Variants in MED13L observed in about 807,000 individuals in gnomAD.
The protein encoded by MED13L is mediator complex subunit 13L, also known as mediator of RNA polymerase II transcription subunit 13-like.
A neutral mutation model predicts 220.9 loss-of-function variants in MED13L; 7 were observed. The ratio of observed to expected loss-of-function variants is 0.03; its 90% CI spans 0.02 to 0.06. MED13L has a LOEUF of 0.06. Among genes scored for constraint, MED13L ranks in the 10% least tolerant of loss-of-function variants. The pLI is 1.00. For synonymous variants in MED13L, 1,011 were observed against 1,015.2 expected (o/e 1.00, Z 0.08); for missense variants, 1,965 against 2,760.5 (o/e 0.71, Z 6.46).
At position 116,135,966 on chromosome 12, in the gene MED13L, C is replaced by T. The variant is rs938675350; in HGVS notation, c.311-24454G>A. Among the ~76,000 whole-genome samples the T allele has an allele frequency of 1.2e-3, 176 of 151,198 alleles. 2 individuals carry two copies. Among genetic ancestry groups the T allele is most frequent in the Non-Finnish European group, 1.0e-3 (71 of 67,832 alleles). On this transcript the variant is annotated intron_variant, in intron 2 of 30. Coordinates refer to ENST00000281928, the MANE Select transcript of MED13L (RefSeq NM_015335.5). ...TTGCCCAGGCTGGAGTGCAGTGGCACGATCTCGGCTCACTGCAACCTCCGC... is the reference window on the plus strand; with the variant it reads ...TTGCCCAGGCTGGAGTGCAGTGGCATGATCTCGGCTCACTGCAACCTCCGC...
intron 2 of MED13L, among the ~76,000 whole-genome samples, chr12:116,147,774 A>G (rs1352949047): frequency 6.6e-6 from 1 of 152,184 alleles, no homozygotes; most frequent in Non-Finnish European, 1.5e-5. Flanking sequence ...TCAAATATAC[A>G]GTGAACATGT....
intron 2 of MED13L, among the ~76,000 whole-genome samples, chr12:116,234,825 T>C (rs78587891): frequency 2.0e-5 from 3 of 146,610 alleles, no homozygotes; most frequent in South Asian, 2.1e-4. Flanking sequence ...ACCTGGCTAA[T>C]TTTTTTTTTT....
At chr12:116,083,543 A>C (rs1447078495) in intron 4 of MED13L, among the ~76,000 whole-genome samples, 6 of 152,166 alleles carry the variant, frequency 3.9e-5, no homozygotes, top group Non-Finnish European at 5.9e-5. Context: ...CTAAGAGTGT[A>C]ATTAAGAATG....
intron 2 of MED13L, among the ~76,000 whole-genome samples, chr12:116,134,817 T>C (rs1407539749): frequency 1.3e-5 from 2 of 152,096 alleles, no homozygotes; most frequent in Non-Finnish European, 2.9e-5. Flanking sequence ...GTAAGGCCTG[T>C]ATTTCTTTCC....
chr12:115,989,178 G>C (rs191362068), intron 17 of MED13L, among the ~76,000 whole-genome samples: 13 of 152,258 alleles, frequency 8.5e-5, no homozygotes, highest in African/African-American at 2.9e-4. Context: ...GCAAGACTGA[G>C]AGTTGTTCAG....
At chr12:116,256,030 G>A (rs903663391) in intron 1 of MED13L, among the ~76,000 whole-genome samples, 1 of 152,068 alleles carries the variant, frequency 6.6e-6, no homozygotes. Flanking sequence ...TGTACTACAC[G>A]CCACAAGGAT....
At position 116,008,849 on chromosome 12, in the gene MED13L, T is replaced by C. The variant is rs201414612; in HGVS notation, c.1564A>G (p.Ser522Gly). The change falls in exon 10 of 31, where the codon AGT becomes GGT. Residue 522 changes from serine (S) to glycine (G), a missense_variant. This residue lies in a region of MED13L where 818 missense variants were observed against 1,041.2 expected (regional missense o/e 0.79). Transcript: ENST00000281928. Reference sequence around the variant, plus strand: ...GCCATTTGCTTATCATATTTCCTACTGCTAGACACCTCTAAGGAGGAGTCT... The same window carrying C: ...GCCATTTGCTTATCATATTTCCTACCGCTAGACACCTCTAAGGAGGAGTCT... ...GIDSSLEVSS[S>G]RKYDKQMAVP... 7.3e-5 allele frequency: 118 copies of C among 1,613,988 alleles called. 1 individual carries two copies. The Middle Eastern group carries it at 8.2e-4, about 11-fold the overall frequency.
At chr12:116,206,816 C>G (rs574613244) in intron 2 of MED13L, among the ~76,000 whole-genome samples, 1 of 152,208 alleles carries the variant, frequency 6.6e-6, no homozygotes, top group Non-Finnish European at 1.5e-5. Flanking sequence ...ACATTAACTT[C>G]TTTATGCCTT....
intron 1 of MED13L, among the ~76,000 whole-genome samples, chr12:116,239,805 A>AT (rs1434236575): frequency 6.6e-6 from 1 of 152,226 alleles, no homozygotes; most frequent in African/African-American, 2.4e-5. Context: ...ATCTTTTAAA[A>AT]TATCGGCCAA....
At chr12:116,206,074 CTTTTTTT>C (rs1160337465) in intron 2 of MED13L, among the ~76,000 whole-genome samples, 49 of 87,234 alleles carry the variant, frequency 5.6e-4, no homozygotes, top group South Asian at 2.3e-3. Context: ...GTATTATTAC[CTTTTTTT>C]TTTTTTTTTT....
At chr12:115,968,867 G>T in intron 28 of MED13L, 73 bp downstream of exon 28, 2 of 1,562,498 alleles carry the variant, frequency 1.3e-6, no homozygotes, top group Non-Finnish European at 1.8e-6. Flanking sequence ...GGAACAAGAT[G>T]ATCAGATGTC....
intron 2 of MED13L, among the ~76,000 whole-genome samples, chr12:116,167,024 A>C (rs560759398): frequency 3.3e-5 from 5 of 152,318 alleles, no homozygotes; most frequent in Non-Finnish European, 5.9e-5. Context: ...TTCTTCATAC[A>C]TGACCCCATA....
chr12:116,006,253 T>C (rs1447742109), intron 12 of MED13L, 53 bp downstream of exon 12: 4 of 1,491,024 alleles, frequency 2.7e-6, no homozygotes, highest in African/African-American at 1.4e-5. Context: ...AGCATCTCCT[T>C]TGCATTTCAT....
intron 4 of MED13L, among the ~76,000 whole-genome samples, chr12:116,071,641 C>T (rs1870378118): frequency 6.6e-6 from 1 of 152,176 alleles, no homozygotes; most frequent in African/African-American, 2.4e-5. Context: ...CAGTGCTAAA[C>T]CTCAAACAAT....
chr12:116,203,000 C>T (rs142021993), intron 2 of MED13L, among the ~76,000 whole-genome samples: 1 of 152,260 alleles, frequency 6.6e-6, no homozygotes, highest in East Asian at 1.9e-4. Context: ...TTTGCTAAAA[C>T]TTTTCAGATT....
At chr12:116,234,038 G>A (rs565624613) in intron 2 of MED13L, among the ~76,000 whole-genome samples, 1 of 152,070 alleles carries the variant, frequency 6.6e-6, no homozygotes, top group Admixed American at 6.6e-5. Flanking sequence ...GGTTGCTTTG[G>A]TATTACATCT....
intron 2 of MED13L, among the ~76,000 whole-genome samples, chr12:116,123,333 G>A (rs1245561230): frequency 6.6e-6 from 1 of 152,080 alleles, no homozygotes; most frequent in Non-Finnish European, 1.5e-5. Flanking sequence ...TTTTAAAACA[G>A]GAATCATCAC....
chr12:116,108,517 A>T (rs1376769070), intron 3 of MED13L, among the ~76,000 whole-genome samples: 1 of 152,170 alleles, frequency 6.6e-6, no homozygotes, highest in African/African-American at 2.4e-5. Context: ...GGAGCCAACA[A>T]CAATCATTTA....
chr12:116,217,818 AAC>A (rs1440862523), intron 2 of MED13L, among the ~76,000 whole-genome samples: 5 of 152,204 alleles, frequency 3.3e-5, no homozygotes, highest in African/African-American at 1.2e-4. Context: ...AATAAACAAA[AAC>A]ACACAGCAAG....
Sources: allele counts gnomAD v4.1 joint callset (sites outside exome capture counted in the v4.1 genomes callset), GRCh38; gene constraint gnomAD v4.1.1; regional missense constraint gnomAD v4.1.1; transcripts MANE v1.5; gene names NCBI Gene and HGNC (gene_info 2026-07-23, HGNC 2026-07-21).